Variants in CBFA2T2 observed in about 807,000 individuals in gnomAD.
The protein encoded by CBFA2T2 is CBFA2/RUNX1 partner transcriptional co-repressor 2, also known as protein CBFA2T2.
Under a neutral mutation model 62.2 loss-of-function variants are expected in CBFA2T2, and 11 were observed. That is an observed-to-expected ratio of 0.18 (90% CI 0.11 to 0.29). The LOEUF (loss-of-function observed/expected upper bound fraction) is 0.29, where lower values mean the gene tolerates loss of function less well. Among genes scored for constraint, CBFA2T2 ranks in the 10% least tolerant of loss-of-function variants. The probability of loss-of-function intolerance (pLI) is 1.00; values close to 1 mark genes in which losing one functional copy is unlikely to be tolerated. For missense variants in CBFA2T2, 592 were observed against 774.1 expected, an observed-to-expected ratio of 0.76 and a Z score of 2.79; for synonymous variants, 295 against 287.5, an observed-to-expected ratio of 1.03 and a Z score of -0.27.
chr20:33,630,105 G>T (rs922510554), intron 8 of CBFA2T2, among the ~76,000 whole-genome samples, 191 bp downstream of exon 8: 1 of 152,036 alleles, frequency 6.6e-6, no homozygotes, highest in African/African-American at 2.4e-5. Flanking sequence ...GGTGGGTGGC[G>T]CAGGAAGGGG....
intron 8 of CBFA2T2, among the ~76,000 whole-genome samples, chr20:33,634,698 A>T (rs1006072003): frequency 7.0e-6 from 1 of 143,674 alleles, no homozygotes; most frequent in Non-Finnish European, 1.5e-5. Context: ...AAAAAAAAAG[A>T]ATCTGAATAT....
chr20:33,590,123 A>G (rs751066467), intron 1 of CBFA2T2, among the ~76,000 whole-genome samples: 1 of 151,802 alleles, frequency 6.6e-6, no homozygotes, highest in Admixed American at 6.6e-5. Flanking sequence ...GCATGCACCT[A>G]TAGTTCCAGC....
At chr20:33,593,440 G>C (rs1191979681) in intron 1 of CBFA2T2, among the ~76,000 whole-genome samples, 2 of 136,774 alleles carry the variant, frequency 1.5e-5, no homozygotes, top group African/African-American at 5.4e-5. Flanking sequence ...GTGTTTCCCA[G>C]GCTGTGCAGT....
chr20:33,623,302 C>T lies in CBFA2T2; in HGVS notation c.692+6C>T. 4 of 1,614,160 alleles carry T rather than the reference C, an allele frequency of 2.5e-6. No homozygotes were observed. The highest frequency in any genetic ancestry group is 3.4e-6 in the Non-Finnish European group (4 of 1,180,008). On this transcript the variant is annotated splice_donor_region_variant and intron_variant, in intron 5 of 10. Coordinates refer to ENST00000342704, the MANE Select transcript of CBFA2T2 (RefSeq NM_001032999.3). ...AAGAGGCCCAGTCCAGAGAGGTGAGCAGATGAGCTTTGCTGTCCTTGCCTT... is the reference window on the plus strand; with the variant it reads ...AAGAGGCCCAGTCCAGAGAGGTGAGTAGATGAGCTTTGCTGTCCTTGCCTT...
At chr20:33,585,039 T>A (rs747805276) in intron 1 of CBFA2T2, among the ~76,000 whole-genome samples, 14 of 152,154 alleles carry the variant, frequency 9.2e-5, no homozygotes, top group Non-Finnish European at 1.8e-4. Flanking sequence ...AAACCTTGTT[T>A]TTTTTCTGTC....
intron 1 of CBFA2T2, among the ~76,000 whole-genome samples, chr20:33,591,786 T>G (rs2014650088): frequency 6.9e-6 from 1 of 145,576 alleles, no homozygotes. Flanking sequence ...TTCGTAGTCT[T>G]CAGGTTGCTA....
In CBFA2T2 at chr20:33,574,093, C is replaced by CA. The variant is rs544898747; in HGVS notation, c.35-32863_35-32862insA. 1.2e-4 allele frequency: 183 copies of CA among 1,519,102 alleles called. No homozygotes were observed. The African/African-American group carries it at 1.7e-3, about 14-fold the overall frequency. 94.1% of individuals were successfully genotyped at this position (1,519,102 alleles called of 1,614,324 possible). A position where few individuals can be genotyped will look rare whatever the true frequency, so the allele number is the denominator to read the frequency against. ...CAAGAGCCACCATACCAGTTCCTGT[C>CA]TAGATATTATGATGAAGATTGAGGA... On this transcript the variant is annotated intron_variant, in intron 1 of 10. Coordinates refer to ENST00000342704, the MANE Select transcript of CBFA2T2 (RefSeq NM_001032999.3).
chr20:33,492,034 C>A (rs2011150403), intron 1 of CBFA2T2, among the ~76,000 whole-genome samples: 1 of 152,042 alleles, frequency 6.6e-6, no homozygotes, highest in South Asian at 2.1e-4. Context: ...AGGCGCCTGC[C>A]ACCACACCTG....
At position 33,641,625 on chromosome 20, in the gene CBFA2T2, C is replaced by T. The variant is rs143289571; in HGVS notation, c.1488+1094C>T. ...TGAAGTTCAGCACTCACTCTGTCAC[C>T]GAGGCTGGAGTGCAATGGTGCGGTC... On this transcript the variant is annotated intron_variant, in intron 10 of 10. Transcript: ENST00000342704. Among the ~76,000 whole-genome samples, 20 of 152,314 alleles carry T rather than the reference C, an allele frequency of 1.3e-4. No individual in the cohort carries two copies. The East Asian group carries it at 1.7e-3, about 13-fold the overall frequency.
In CBFA2T2 at chr20:33,649,249, C is replaced by A. The variant is rs531746962; in HGVS notation, c.*4603C>A. ...AATAGCCAGCGGAGCATGGACTGTT[C>A]CAGCACGGGCCAGATGGCCAGCTGT... On this transcript the variant is annotated 3_prime_UTR_variant, in exon 11 of 11. Transcript: ENST00000342704. 12 of 152,516 alleles carry A rather than the reference C, an allele frequency of 7.9e-5. No individual in the cohort carries two copies. The highest frequency in any genetic ancestry group is 2.4e-4 in the African/African-American group (10 of 41,548). 9.4% of individuals were successfully genotyped at this position (152,516 alleles called of 1,614,324 possible). A position where few individuals can be genotyped will look rare whatever the true frequency, so the allele number is the denominator to read the frequency against.
At chr20:33,527,757 T>G (rs1375372074) in intron 1 of CBFA2T2, among the ~76,000 whole-genome samples, 1 of 152,146 alleles carries the variant, frequency 6.6e-6, no homozygotes, top group Admixed American at 6.6e-5. Context: ...TTAACCAGTT[T>G]AGTCTCGAAT....
At chr20:33,502,255 T>C (rs1315871699) in intron 1 of CBFA2T2, among the ~76,000 whole-genome samples, 1 of 152,222 alleles carries the variant, frequency 6.6e-6, no homozygotes, top group Admixed American at 6.5e-5. Flanking sequence ...ACTGTCATTA[T>C]TTGTTGTGTT....
rs113937505 is a variant in CBFA2T2 at position 33,535,176 on chromosome 20, G to T, written c.34+44875G>T. 2.0e-3 allele frequency among the ~76,000 whole-genome samples: 302 copies of T among 152,366 alleles called. 2 individuals are homozygous for T. Among genetic ancestry groups the T allele is most frequent in the African/African-American group, 6.9e-3 (288 of 41,582 alleles). ...GTTGAGGCTGTGGTTGCCTTTCTGA[G>T]AATCTTGTCTACAGAAATGGTCAAC... On this transcript the variant is annotated intron_variant, in intron 1 of 10. Transcript: ENST00000342704.
intron 1 of CBFA2T2, among the ~76,000 whole-genome samples, chr20:33,554,237 T>C (rs566183226): frequency 6.6e-6 from 1 of 152,052 alleles, no homozygotes; most frequent in African/African-American, 2.4e-5. Flanking sequence ...CACCAGTGTT[T>C]ATTTTTCTTA....
At chr20:33,554,397 T>G (rs2012828578) in intron 1 of CBFA2T2, among the ~76,000 whole-genome samples, 2 of 151,504 alleles carry the variant, frequency 1.3e-5, no homozygotes, top group Admixed American at 1.3e-4. Flanking sequence ...TACAGGCTTG[T>G]GCCACCTGGC....
chr20:33,541,445 A>T (rs1387267053), intron 1 of CBFA2T2, among the ~76,000 whole-genome samples: 1 of 152,234 alleles, frequency 6.6e-6, no homozygotes, highest in Non-Finnish European at 1.5e-5. Context: ...GAAATTGACG[A>T]GTCGTATAAC....
In CBFA2T2 at chr20:33,624,985, A is replaced by G. The variant is rs2016170176; in HGVS notation, c.914A>G (p.His305Arg). The change falls in exon 6 of 11, where the codon CAT (histidine) becomes CGT (arginine). Residue 305 changes from histidine (H) to arginine (R), a missense_variant. Coordinates refer to ENST00000342704, the MANE Select transcript of CBFA2T2 (RefSeq NM_001032999.3). Reference sequence around the variant, plus strand: ...CGGGAACCCAACAAGATGCTAGAGCATCGAGAAGTTCGTGATAGACACCAC... The same window carrying G: ...CGGGAACCCAACAAGATGCTAGAGCGTCGAGAAGTTCGTGATAGACACCAC... ...LYREPNKMLE[H>R]REVRDRHHSL... The G allele has an allele frequency of 1.2e-6, 2 of 1,614,088 alleles. No individual in the cohort carries two copies. Among genetic ancestry groups the G allele is most frequent in the African/African-American group, 1.3e-5 (1 of 74,954 alleles).
chr20:33,575,723 A>G (rs1330505686), intron 1 of CBFA2T2, among the ~76,000 whole-genome samples: 1 of 152,194 alleles, frequency 6.6e-6, no homozygotes, highest in Admixed American at 6.5e-5. Context: ...ACAGACAGGC[A>G]CAGAAACAAA....
intron 1 of CBFA2T2, among the ~76,000 whole-genome samples, chr20:33,575,448 C>G (rs748648903): frequency 2.0e-5 from 3 of 152,194 alleles, no homozygotes; most frequent in Non-Finnish European, 4.4e-5. Flanking sequence ...AAATCATTAT[C>G]TCAGTAAACT....
Sources: allele counts gnomAD v4.1 joint callset (sites outside exome capture counted in the v4.1 genomes callset), GRCh38; gene constraint gnomAD v4.1.1; transcripts MANE v1.5; gene names NCBI Gene and HGNC (gene_info 2026-07-23, HGNC 2026-07-21).